The following ADCY2 variants were observed in gnomAD, a reference collection of about 807,000 sequenced individuals.
ADCY2 encodes the protein adenylate cyclase 2.
A neutral mutation model predicts 125.2 loss-of-function variants in ADCY2; 31 were observed. The ratio of observed to expected loss-of-function variants is 0.25; its 90% CI spans 0.19 to 0.33. ADCY2 has a LOEUF of 0.33. ADCY2 is among the 10% of genes least tolerant of loss of function. ADCY2 has a pLI of 1.00. For synonymous variants in ADCY2, 512 were observed against 548.4 expected, an observed-to-expected ratio of 0.93 and a Z score of 0.93; for missense variants, 904 against 1,418.2, an observed-to-expected ratio of 0.64 and a Z score of 5.82.
At chr5:7,643,223 T>C (rs994182078) in intron 4 of ADCY2, among the ~76,000 whole-genome samples, 1 of 152,062 alleles carries the variant, frequency 6.6e-6, no homozygotes, top group African/African-American at 2.4e-5. Context: ...TAAATGTCTA[T>C]TCTAAAAATT....
chr5:7,765,850 C>T (rs1743358777), intron 16 of ADCY2, among the ~76,000 whole-genome samples: 2 of 152,210 alleles, frequency 1.3e-5, no homozygotes, highest in South Asian at 2.1e-4. Context: ...CAGAACATTC[C>T]TCTGACCCTT....
At chr5:7,474,459 C>A (rs1386577561) in intron 2 of ADCY2, among the ~76,000 whole-genome samples, 1 of 152,270 alleles carries the variant, frequency 6.6e-6, no homozygotes, top group Non-Finnish European at 1.5e-5. Flanking sequence ...GTGTACTGGA[C>A]AATGCTCTTA....
At chr5:7,640,314 A>G (rs945682585) in intron 4 of ADCY2, among the ~76,000 whole-genome samples, 4 of 152,202 alleles carry the variant, frequency 2.6e-5, no homozygotes, top group African/African-American at 9.7e-5. Context: ...TCTACCCTTT[A>G]AAGAGGCATT....
chr5:7,647,060 TG>T (rs908659246), intron 4 of ADCY2, among the ~76,000 whole-genome samples: 12 of 152,148 alleles, frequency 7.9e-5, no homozygotes, highest in African/African-American at 2.9e-4. Flanking sequence ...TGAAGAAAGG[TG>T]AGACCTTCAT....
intron 4 of ADCY2, among the ~76,000 whole-genome samples, chr5:7,641,499 C>A (rs187518414): frequency 7.0e-4 from 106 of 152,094 alleles, no homozygotes; most frequent in Non-Finnish European, 1.3e-3. Flanking sequence ...ATATATATAT[C>A]TCTTGCAAGA....
intron 22 of ADCY2, among the ~76,000 whole-genome samples, chr5:7,815,164 G>A (rs1745070519): frequency 1.3e-5 from 2 of 152,210 alleles, no homozygotes; most frequent in South Asian, 2.1e-4. Context: ...TCCTCTTGGT[G>A]ATCCCACTGC....
At chr5:7,458,368 T>C (rs182196670) in intron 2 of ADCY2, among the ~76,000 whole-genome samples, 51 of 152,350 alleles carry the variant, frequency 3.3e-4, no homozygotes, top group African/African-American at 8.7e-4. Flanking sequence ...GAGGAAGCAA[T>C]ATTAACTTGC....
chr5:7,752,282 G>A (rs1742852176), intron 15 of ADCY2, among the ~76,000 whole-genome samples: 1 of 152,158 alleles, frequency 6.6e-6, no homozygotes, highest in Non-Finnish European at 1.5e-5. Flanking sequence ...GCTTATTCCT[G>A]CCATTCAGAA....
intron 2 of ADCY2, among the ~76,000 whole-genome samples, chr5:7,501,282 C>A (rs549609502): frequency 1.3e-5 from 2 of 152,190 alleles, no homozygotes; most frequent in South Asian, 4.1e-4. Flanking sequence ...GGCTGCTTTC[C>A]CTAGAGGTCC....
intron 3 of ADCY2, among the ~76,000 whole-genome samples, chr5:7,574,796 C>G (rs1736190480): frequency 6.6e-6 from 1 of 152,032 alleles, no homozygotes; most frequent in African/African-American, 2.4e-5. Context: ...CCAAGAAGTT[C>G]CAATGAATGC....
intron 11 of ADCY2, 136 bp from the exon 12 acceptor site, chr5:7,717,021 G>A (rs1020052142): frequency 1.7e-6 from 1 of 586,322 alleles, no homozygotes; most frequent in Non-Finnish European, 3.1e-6. Context: ...TACCCCGATT[G>A]ATCATTGCAC....
intron 2 of ADCY2, among the ~76,000 whole-genome samples, chr5:7,510,742 C>A (rs956374867): frequency 6.6e-6 from 1 of 152,074 alleles, no homozygotes; most frequent in African/African-American, 2.4e-5. Context: ...CCCAGGTTAC[C>A]AAATGTACAG....
At chr5:7,667,807 C>A (rs562705247) in intron 4 of ADCY2, among the ~76,000 whole-genome samples, 36 of 152,342 alleles carry the variant, frequency 2.4e-4, no homozygotes, top group Admixed American at 1.8e-3. Context: ...ATTAAGAAGA[C>A]GTTCTAAGCG....
intron 3 of ADCY2, among the ~76,000 whole-genome samples, chr5:7,536,215 C>T (rs113824541): frequency 6.6e-6 from 1 of 152,238 alleles, no homozygotes; most frequent in East Asian, 1.9e-4. Context: ...ACTTTCCCTG[C>T]TGAAGATTAT....
chr5:7,767,758 G>T (rs967651636), intron 17 of ADCY2, among the ~76,000 whole-genome samples: 1 of 151,982 alleles, frequency 6.6e-6, no homozygotes, highest in Non-Finnish European at 1.5e-5. Flanking sequence ...GGGCCAGGCG[G>T]GGTGGCTCAC....
At chr5:7,589,504 AAG>A (rs1001227672) in intron 3 of ADCY2, among the ~76,000 whole-genome samples, 1 of 70,566 alleles carries the variant, frequency 1.4e-5, no homozygotes, top group African/African-American at 3.3e-5. Context: ...GAAAGAAAGA[AAG>A]AAAGAAAAGA....
intron 18 of ADCY2, among the ~76,000 whole-genome samples, chr5:7,783,072 T>G (rs1174016017): frequency 6.6e-6 from 1 of 152,214 alleles, no homozygotes; most frequent in East Asian, 1.9e-4. Context: ...TCTGTGGCTC[T>G]AAGCCCATAA....
chr5:7,584,557 T>TGC (rs1477067912), intron 3 of ADCY2, among the ~76,000 whole-genome samples: 5 of 152,252 alleles, frequency 3.3e-5, no homozygotes, highest in African/African-American at 9.6e-5. Context: ...GGAGATTGTG[T>TGC]GCACCCAGCT....
rs575819851 is a variant in ADCY2 at position 7,813,156 on chromosome 5, C to T, written c.2884-3710C>T. Among the ~76,000 whole-genome samples the T allele has an allele frequency of 3.9e-5, 6 of 152,276 alleles. No homozygotes were observed. The East Asian group carries it at 7.7e-4, about 20-fold the overall frequency. ...AGTCTGATGAGATCTCCTAGAAGCCCGTCAGGAGAACAGAATGCTCCTTAG... is the reference window on the plus strand; with the variant it reads ...AGTCTGATGAGATCTCCTAGAAGCCTGTCAGGAGAACAGAATGCTCCTTAG... On this transcript the variant is annotated intron_variant, in intron 22 of 24. Transcript: ENST00000338316.
Sources: gnomAD v4.1 joint callset for allele counts (sites outside exome capture counted in the v4.1 genomes callset) on GRCh38, gnomAD v4.1.1 for gene constraint, MANE v1.5 for transcripts, NCBI Gene and HGNC (gene_info 2026-07-23, HGNC 2026-07-21) for gene names.